Variants in EML5 observed in about 807,000 individuals in gnomAD.
EML5 encodes EMAP like 5.
A neutral mutation model predicts 250.0 loss-of-function variants in EML5; 120 were observed. That is an observed-to-expected ratio of 0.48 (90% confidence interval 0.41 to 0.56). The LOEUF (loss-of-function observed/expected upper bound fraction) is 0.56. Among genes scored for constraint, EML5 ranks in the 20% least tolerant of loss-of-function variants. EML5 has a pLI of 0.00. For missense variants in EML5, 2,006 were observed against 2,437.6 expected, an observed-to-expected ratio of 0.82 and a Z score of 3.73; for synonymous variants, 771 against 806.5, an observed-to-expected ratio of 0.96 and a Z score of 0.75.
At chr14:88,616,672 T>C (rs1489474367) in intron 42 of EML5, 54 bp downstream of exon 42, 2 of 1,517,926 alleles carry the variant, frequency 1.3e-6, no homozygotes, top group Non-Finnish European at 9.0e-7. Context: ...GTGCTGATGA[T>C]AAGACATCAA....
chr14:88,651,452 G>A (rs866666940), intron 27 of EML5, among the ~76,000 whole-genome samples: 3 of 151,578 alleles, frequency 2.0e-5, no homozygotes, highest in Non-Finnish European at 4.4e-5. Flanking sequence ...AGCAATGGGT[G>A]GAAATTTACA....
intron 43 of EML5, 72 bp downstream of exon 43, chr14:88,616,070 G>A: frequency 3.3e-6 from 5 of 1,504,514 alleles, no homozygotes; most frequent in Non-Finnish European, 3.7e-6. Context: ...AACCAAAGCT[G>A]TAGGAGTTGT....
At chr14:88,724,266 T>C (rs1310831639) in intron 8 of EML5, among the ~76,000 whole-genome samples, 10 of 125,070 alleles carry the variant, frequency 8.0e-5, no homozygotes, top group Admixed American at 3.5e-4. Flanking sequence ...AGAGCAAGAC[T>C]CCATATCAAA....
intron 1 of EML5, among the ~76,000 whole-genome samples, chr14:88,788,477 T>C (rs2094572872): frequency 1.3e-5 from 2 of 151,816 alleles, no homozygotes; most frequent in Non-Finnish European, 2.9e-5. Flanking sequence ...CTTTTCAAAA[T>C]ATTTCAGATG....
intron 3 of EML5, among the ~76,000 whole-genome samples, chr14:88,745,132 T>C (rs188674642): frequency 1.6e-4 from 23 of 147,726 alleles, no homozygotes; most frequent in South Asian, 4.3e-4. Flanking sequence ...TAATAAAATA[T>C]ATCCAACATT....
chr14:88,678,222 T>TA (rs1205481489), intron 21 of EML5, among the ~76,000 whole-genome samples: 3 of 152,086 alleles, frequency 2.0e-5, no homozygotes, highest in African/African-American at 7.2e-5. Flanking sequence ...TTCTCCCTTA[T>TA]AAGTGGGAGC....
chr14:88,615,638 A>T lies in EML5; in HGVS notation c.*180T>A, dbSNP rs1478894208. On this transcript the variant is annotated 3_prime_UTR_variant, in exon 44 of 44. Transcript: ENST00000554922. ...TGGCAGTGTATGGATTACGGATTAT[A>T]CCCAGTGCATATAGCAAATATTTTG... 1.7e-6 allele frequency: 1 copy of T among 592,210 alleles called. No homozygotes were observed. The highest frequency in any genetic ancestry group is 1.9e-5 in the African/African-American group (1 of 53,288). 36.7% of individuals were successfully genotyped at this position (592,210 alleles called of 1,614,324 possible).
intron 27 of EML5, among the ~76,000 whole-genome samples, chr14:88,650,761 C>T (rs1321200313): frequency 6.6e-6 from 1 of 152,162 alleles, no homozygotes; most frequent in Admixed American, 6.5e-5. Context: ...GCTCAGCCTC[C>T]TGAGTAGGAA....
At chr14:88,699,941 G>T (rs2093169138) in intron 14 of EML5, among the ~76,000 whole-genome samples, 2 of 151,954 alleles carry the variant, frequency 1.3e-5, no homozygotes, top group African/African-American at 4.8e-5. Context: ...TATTTTTAGT[G>T]AATTATATCT....
At chr14:88,626,726 T>C in intron 35 of EML5, 112 bp downstream of exon 35, 1 of 1,049,254 alleles carries the variant, frequency 9.5e-7, no homozygotes, top group Non-Finnish European at 1.4e-6. Context: ...CCAGGGCATG[T>C]AATGATTAGC....
intron 21 of EML5, among the ~76,000 whole-genome samples, chr14:88,674,638 C>T (rs562144641): frequency 6.6e-6 from 1 of 152,142 alleles, no homozygotes; most frequent in Non-Finnish European, 1.5e-5. Flanking sequence ...CCTGGCACTT[C>T]CCAAATTTCA....
chr14:88,654,371 A>G (rs959082464), intron 27 of EML5, among the ~76,000 whole-genome samples: 3 of 152,054 alleles, frequency 2.0e-5, no homozygotes, highest in Non-Finnish European at 4.4e-5. Flanking sequence ...TTGTGATGTT[A>G]GGATGTTGAT....
chr14:88,673,941 A>T (rs2092533267), intron 21 of EML5, among the ~76,000 whole-genome samples: 1 of 152,222 alleles, frequency 6.6e-6, no homozygotes, highest in Non-Finnish European at 1.5e-5. Context: ...AAATGGCCAT[A>T]CTGCCTGTTA....
chr14:88,778,264 A>G (rs1241151452), intron 1 of EML5, among the ~76,000 whole-genome samples: 3 of 152,214 alleles, frequency 2.0e-5, no homozygotes, highest in Non-Finnish European at 4.4e-5. Context: ...AAATAACAAA[A>G]CAGCAAGAGA....
intron 7 of EML5, among the ~76,000 whole-genome samples, chr14:88,731,698 G>A (rs1427145583): frequency 6.6e-6 from 1 of 152,174 alleles, no homozygotes; most frequent in Admixed American, 6.5e-5. Flanking sequence ...GTGTAAAAGT[G>A]TTCCTATTTC....
intron 2 of EML5, among the ~76,000 whole-genome samples, chr14:88,747,198 G>A (rs745534847): frequency 8.6e-5 from 13 of 151,934 alleles, no homozygotes; most frequent in South Asian, 2.1e-4. Context: ...GATTGCTTGA[G>A]GCCAGGAGAT....
intron 1 of EML5, among the ~76,000 whole-genome samples, chr14:88,785,308 T>C (rs1355377556): frequency 1.3e-5 from 2 of 152,150 alleles, no homozygotes; most frequent in African/African-American, 2.4e-5. Flanking sequence ...AATTTAATTG[T>C]ACATTTTAGA....
intron 2 of EML5, 123 bp downstream of exon 2, chr14:88,754,389 C>T (rs2094135616): frequency 2.0e-5 from 17 of 865,686 alleles, no homozygotes; most frequent in Non-Finnish European, 2.6e-5. Flanking sequence ...CCCACCTACC[C>T]ACCTCCACCT....
chr14:88,715,391 A>C (rs963893916), intron 8 of EML5, among the ~76,000 whole-genome samples, 196 bp from the exon 9 acceptor site: 1 of 152,230 alleles, frequency 6.6e-6, no homozygotes, highest in African/African-American at 2.4e-5. Context: ...TATATGCCAG[A>C]TGTACAGGAA....
Sources: allele counts gnomAD v4.1 joint callset (sites outside exome capture counted in the v4.1 genomes callset), GRCh38; gene constraint gnomAD v4.1.1; transcripts MANE v1.5; gene names NCBI Gene and HGNC (gene_info 2026-07-23, HGNC 2026-07-21).